The following AGBL4 variants were observed in gnomAD, a reference collection of about 807,000 sequenced individuals.
AGBL4 encodes AGBL carboxypeptidase 4.
A neutral mutation model predicts 66.4 loss-of-function variants in AGBL4; 58 were observed. That is an observed-to-expected ratio of 0.87 (90% CI 0.71 to 1.09). AGBL4 has a LOEUF of 1.09. Ranked by LOEUF, AGBL4 falls within the 50% of genes least tolerant of loss-of-function variation. The probability of loss-of-function intolerance (pLI) is 0.00; values close to 1 mark genes in which losing one functional copy is unlikely to be tolerated. For missense variants in AGBL4, 579 were observed against 631.0 expected (o/e 0.92, Z 0.88); for synonymous variants, 234 against 222.9 (o/e 1.05, Z -0.44).
intron 1 of AGBL4, among the ~76,000 whole-genome samples, chr1:49,991,998 C>T (rs1659981437): frequency 6.6e-6 from 1 of 152,152 alleles, no homozygotes; most frequent in African/African-American, 2.4e-5. Flanking sequence ...ATATAAAGTA[C>T]CTAGGAAATA....
At position 49,547,158 on chromosome 1, in the gene AGBL4, C is replaced by T. The variant is rs377024908; in HGVS notation, c.282+150155G>A. Reference sequence around the variant, plus strand: ...TCATGTCTTAGATTTAATCCTTAATCCATCTTGTGTTGATTTTTTAATAAG... The same window carrying T: ...TCATGTCTTAGATTTAATCCTTAATTCATCTTGTGTTGATTTTTTAATAAG... On this transcript the variant is annotated intron_variant, in intron 3 of 13. Transcript: ENST00000371839. Among the ~76,000 whole-genome samples, 3 of 152,202 alleles carry T rather than the reference C, an allele frequency of 2.0e-5. No individual in the cohort carries two copies. In the East Asian group the frequency reaches 5.8e-4, roughly 29 times the overall value.
chr1:49,813,213 G>C (rs1160056040), intron 2 of AGBL4, among the ~76,000 whole-genome samples: 5 of 152,070 alleles, frequency 3.3e-5, no homozygotes, highest in Non-Finnish European at 7.4e-5. Context: ...CCACAACTCA[G>C]TGAAAGACTC....
At chr1:48,749,547 C>T (rs1169585013) in intron 6 of AGBL4, among the ~76,000 whole-genome samples, 1 of 152,218 alleles carries the variant, frequency 6.6e-6, no homozygotes, top group Admixed American at 6.5e-5. Flanking sequence ...TTCCACTACC[C>T]TACCCCTCCT....
chr1:48,636,083 A>G (rs1482038609), intron 8 of AGBL4, among the ~76,000 whole-genome samples: 2 of 152,252 alleles, frequency 1.3e-5, no homozygotes, highest in African/African-American at 4.8e-5. Context: ...TGAACTGATG[A>G]ATACTATAAT....
chr1:48,709,594 A>AT (rs1646932742), intron 6 of AGBL4, among the ~76,000 whole-genome samples: 1 of 147,204 alleles, frequency 6.8e-6, no homozygotes, highest in Non-Finnish European at 1.5e-5. Flanking sequence ...CATTATTATT[A>AT]TTATTATTAT....
At chr1:49,430,121 G>C (rs1645753709) in intron 3 of AGBL4, among the ~76,000 whole-genome samples, 1 of 152,074 alleles carries the variant, frequency 6.6e-6, no homozygotes, top group African/African-American at 2.4e-5. Context: ...CAAAAGTGCT[G>C]GGATTACAGG....
intron 9 of AGBL4, among the ~76,000 whole-genome samples, chr1:48,607,313 C>T (rs1645168172): frequency 6.6e-6 from 1 of 152,058 alleles, no homozygotes; most frequent in South Asian, 2.1e-4. Context: ...AATCTAACAC[C>T]ATCATAGAAA....
At chr1:49,019,301 C>A (rs1663065277) in intron 5 of AGBL4, among the ~76,000 whole-genome samples, 1 of 152,104 alleles carries the variant, frequency 6.6e-6, no homozygotes, top group South Asian at 2.1e-4. Context: ...GGGACAATAA[C>A]ACCTCCCTGC....
intron 2 of AGBL4, among the ~76,000 whole-genome samples, chr1:49,811,612 T>C (rs1645104317): frequency 1.3e-5 from 2 of 152,090 alleles, no homozygotes; most frequent in Non-Finnish European, 2.9e-5. Context: ...TATAATGATA[T>C]TCACCATATT....
chr1:49,996,590 T>C (rs191279123), intron 1 of AGBL4, among the ~76,000 whole-genome samples: 111 of 152,216 alleles, frequency 7.3e-4, no homozygotes, highest in Non-Finnish European at 1.4e-3. Flanking sequence ...CTAAGAATAA[T>C]TGGTGTACTC....
At chr1:49,009,814 G>A (rs917059329) in intron 5 of AGBL4, among the ~76,000 whole-genome samples, 4 of 152,088 alleles carry the variant, frequency 2.6e-5, no homozygotes, top group Non-Finnish European at 4.4e-5. Flanking sequence ...AAAGGCCTTT[G>A]ACAAAATTCA....
chr1:49,697,870 A>G (rs1647017003), intron 2 of AGBL4, among the ~76,000 whole-genome samples: 1 of 152,212 alleles, frequency 6.6e-6, no homozygotes, highest in African/African-American at 2.4e-5. Flanking sequence ...AATTTTTACA[A>G]CAGGCATATA....
chr1:49,084,847 T>G (rs186735192), intron 4 of AGBL4, among the ~76,000 whole-genome samples: 3 of 152,192 alleles, frequency 2.0e-5, no homozygotes, highest in Non-Finnish European at 1.5e-5. Flanking sequence ...GCCACACGCC[T>G]TGGTCTGAGC....
intron 3 of AGBL4, among the ~76,000 whole-genome samples, chr1:49,622,675 C>T (rs549020157): frequency 6.7e-6 from 1 of 149,242 alleles, no homozygotes; most frequent in African/African-American, 2.5e-5. Flanking sequence ...AATAATAATG[C>T]CTACCTTGCA....
chr1:49,185,994 A>T (rs184320047), intron 4 of AGBL4, among the ~76,000 whole-genome samples: 1 of 151,858 alleles, frequency 6.6e-6, no homozygotes, highest in Admixed American at 6.6e-5. Flanking sequence ...CTCTGTATAC[A>T]CTCCTGCCTC....
At chr1:48,885,432 CT>C (rs1360402895) in intron 5 of AGBL4, among the ~76,000 whole-genome samples, 6 of 152,154 alleles carry the variant, frequency 3.9e-5, no homozygotes, top group Non-Finnish European at 7.3e-5. Flanking sequence ...CTAGTCCAAA[CT>C]TTAGACCCAA....
intron 6 of AGBL4, among the ~76,000 whole-genome samples, chr1:48,732,405 T>C (rs1648286758): frequency 6.6e-6 from 1 of 152,192 alleles, no homozygotes; most frequent in African/African-American, 2.4e-5. Context: ...GCACTTACTA[T>C]AGGCTAGCCC....
chr1:48,765,380 T>C (rs940593804), intron 6 of AGBL4, among the ~76,000 whole-genome samples: 1 of 152,162 alleles, frequency 6.6e-6, no homozygotes, highest in African/African-American at 2.4e-5. Flanking sequence ...CACTTTATAC[T>C]CATTAGGATG....
intron 3 of AGBL4, among the ~76,000 whole-genome samples, chr1:49,284,689 A>C (rs1032153363): frequency 1.3e-5 from 2 of 152,170 alleles, no homozygotes; most frequent in East Asian, 1.9e-4. Context: ...TCTACTAAGC[A>C]AATGGAAAAC....
Sources: gnomAD v4.1 joint callset for allele counts (sites outside exome capture counted in the v4.1 genomes callset) on GRCh38, gnomAD v4.1.1 for gene constraint, MANE v1.5 for transcripts, NCBI Gene and HGNC (gene_info 2026-07-23, HGNC 2026-07-21) for gene names.